The following KCNU1 variants were observed in gnomAD, a reference collection of about 807,000 sequenced individuals.
KCNU1 encodes the protein potassium channel subfamily U member 1.
In KCNU1, 93 loss-of-function variants were observed where a neutral mutation model predicts 126.8. That is an observed-to-expected ratio of 0.73 (90% CI 0.62 to 0.87). The LOEUF is 0.87. Ranked by LOEUF, KCNU1 falls within the 40% of genes least tolerant of loss-of-function variation. KCNU1 has a pLI of 0.00. For missense variants in KCNU1, 1,330 were observed against 1,367.1 expected, an observed-to-expected ratio of 0.97 and a Z score of 0.43; for synonymous variants, 523 against 494.2, an observed-to-expected ratio of 1.06 and a Z score of -0.77.
intron 20 of KCNU1, 21 bp from the exon 21 acceptor site, chr8:36,909,290 C>T (rs1367451471): frequency 6.7e-7 from 1 of 1,491,802 alleles, no homozygotes; most frequent in Non-Finnish European, 9.4e-7. Flanking sequence ...AATGACCAGA[C>T]TGTGGCATCC....
chr8:36,935,530 G>A lies in KCNU1; in HGVS notation c.3060G>A (p.Arg1020=). The change falls in exon 27 of 27, where the codon CGG becomes CGA. Residue 1020 remains arginine (R), a synonymous_variant. Coordinates refer to ENST00000399881, the MANE Select transcript of KCNU1 (RefSeq NM_001031836.3). ...NPENKRFVIT[R]PANEFKLLPS... is the part of the protein sequence containing the mutation. Reference sequence around the variant, plus strand: ...TGTCTTACAGGTTTGTGATCACCCGGCCAGCCAATGAGTTCAAGCTGCTGC... The same window carrying A: ...TGTCTTACAGGTTTGTGATCACCCGACCAGCCAATGAGTTCAAGCTGCTGC... 6.3e-7 allele frequency: 1 copy of A among 1,598,838 alleles called. No homozygotes were observed. The highest frequency in any genetic ancestry group is 8.5e-7 in the Non-Finnish European group (1 of 1,171,280).
Position 36,784,389 on chromosome 8 carries a change from TC to T in KCNU1, c.-20del. The stretch of plus-strand genomic sequence containing the variant: ...CGGCGTCATCAAATGACCTGGCAAT[TC>T]CGTCTACTGATGTCTCGAACATGTT... On this transcript the variant is annotated 5_prime_UTR_variant, in exon 1 of 27. An upstream open reading frame in the 5' UTR gains an earlier in-frame stop. Coordinates refer to ENST00000399881, the MANE Select transcript of KCNU1 (RefSeq NM_001031836.3). 6.3e-7 allele frequency: 1 copy of T among 1,590,738 alleles called. No homozygotes were observed. The highest frequency in any genetic ancestry group is 8.6e-7 in the Non-Finnish European group (1 of 1,167,308).
chr8:36,838,580 C>G (rs1804838680), intron 14 of KCNU1, among the ~76,000 whole-genome samples: 3 of 151,886 alleles, frequency 2.0e-5, no homozygotes, highest in African/African-American at 7.3e-5. Context: ...GCCTGTAGCC[C>G]CAGCAATTGG....
At chr8:36,872,381 T>C (rs1806134651) in intron 19 of KCNU1, among the ~76,000 whole-genome samples, 2 of 152,110 alleles carry the variant, frequency 1.3e-5, no homozygotes, top group African/African-American at 4.8e-5. Flanking sequence ...CATGCTATGC[T>C]ATGTTAGCTT....
chr8:36,871,396 T>A (rs1360876003), intron 19 of KCNU1, among the ~76,000 whole-genome samples: 1 of 145,666 alleles, frequency 6.9e-6, no homozygotes, highest in Non-Finnish European at 1.5e-5. Flanking sequence ...GTACCATATA[T>A]ATATATATAT....
At position 36,916,112 on chromosome 8, in the gene KCNU1, A is replaced by G. The variant is rs1038979498; in HGVS notation, c.2522-2711A>G. On this transcript the variant is annotated intron_variant, in intron 22 of 26. Coordinates refer to ENST00000399881, the MANE Select transcript of KCNU1 (RefSeq NM_001031836.3). ...AGGAGGAGAAGAAGGGAAGGAAGGAAGGAAGGAAAGGTGGGAGGGAAGGGA... is the reference window on the plus strand; with the variant it reads ...AGGAGGAGAAGAAGGGAAGGAAGGAGGGAAGGAAAGGTGGGAGGGAAGGGA... 6.7e-5 allele frequency among the ~76,000 whole-genome samples: 10 copies of G among 148,596 alleles called. 1 individual carries two copies. The South Asian group carries it at 2.2e-3, about 33-fold the overall frequency.
At chr8:36,922,829 A>G (rs1808407027) in intron 24 of KCNU1, among the ~76,000 whole-genome samples, 200 bp downstream of exon 24, 1 of 152,200 alleles carries the variant, frequency 6.6e-6, no homozygotes, top group South Asian at 2.1e-4. Context: ...CATTTTCAAG[A>G]TTAAAAACTT....
chr8:36,861,459 T>C (rs546491747), intron 18 of KCNU1, among the ~76,000 whole-genome samples: 1 of 152,302 alleles, frequency 6.6e-6, no homozygotes. Flanking sequence ...ACAATTTTTA[T>C]GGCATTCTGA....
chr8:36,901,932 A>G (rs1156948037), intron 19 of KCNU1, among the ~76,000 whole-genome samples: 3 of 152,142 alleles, frequency 2.0e-5, no homozygotes, highest in Non-Finnish European at 4.4e-5. Context: ...CTGCTATAGC[A>G]TAACCTTTAT....
At chr8:36,874,598 G>T (rs1410105513) in intron 19 of KCNU1, among the ~76,000 whole-genome samples, 1 of 152,144 alleles carries the variant, frequency 6.6e-6, no homozygotes, top group Non-Finnish European at 1.5e-5. Context: ...ATCCCATGAG[G>T]AGTGTTTGGG....
At chr8:36,915,715 C>A (rs1370214489) in intron 22 of KCNU1, among the ~76,000 whole-genome samples, 1 of 152,186 alleles carries the variant, frequency 6.6e-6, no homozygotes, top group East Asian at 1.9e-4. Flanking sequence ...TTTCCTTTTT[C>A]CTCAGATTCT....
At chr8:36,844,865 G>A (rs556910442) in intron 16 of KCNU1, among the ~76,000 whole-genome samples, 92 of 152,282 alleles carry the variant, frequency 6.0e-4, no homozygotes, top group Middle Eastern at 3.4e-3. Flanking sequence ...GGAAATAAAG[G>A]CAGGAGATCC....
chr8:36,878,537 C>A (rs919975364), intron 19 of KCNU1, among the ~76,000 whole-genome samples: 1 of 152,042 alleles, frequency 6.6e-6, no homozygotes, highest in Non-Finnish European at 1.5e-5. Context: ...AGAGAGTATC[C>A]AACTGACTCA....
intron 24 of KCNU1, among the ~76,000 whole-genome samples, chr8:36,930,417 T>C (rs1224251953): frequency 1.8e-4 from 28 of 152,130 alleles, no homozygotes; most frequent in Admixed American, 1.8e-3. Flanking sequence ...TAATGAGAGC[T>C]ATGGGAAATC....
At chr8:36,802,974 C>T (rs1017376032) in intron 2 of KCNU1, among the ~76,000 whole-genome samples, 9 of 152,108 alleles carry the variant, frequency 5.9e-5, no homozygotes, top group African/African-American at 1.9e-4. Context: ...AACAATGGGA[C>T]CACCCATGAA....
intron 19 of KCNU1, among the ~76,000 whole-genome samples, chr8:36,866,143 C>T (rs994135598): frequency 3.9e-5 from 6 of 152,028 alleles, no homozygotes; most frequent in African/African-American, 1.2e-4. Context: ...ATTCTCATAG[C>T]GAGGAAGGTA....
intron 19 of KCNU1, among the ~76,000 whole-genome samples, chr8:36,866,010 T>C (rs544834939): frequency 6.6e-6 from 1 of 152,170 alleles, no homozygotes; most frequent in African/African-American, 2.4e-5. Flanking sequence ...GAATGGTGGT[T>C]TTCAGAAGTG....
chr8:36,876,575 C>T (rs1474588746), intron 19 of KCNU1, among the ~76,000 whole-genome samples: 1 of 152,136 alleles, frequency 6.6e-6, no homozygotes, highest in Non-Finnish European at 1.5e-5. Flanking sequence ...GGTAGGCATT[C>T]CTAATGAGGT....
chr8:36,826,686 C>T (rs929503712), intron 10 of KCNU1, among the ~76,000 whole-genome samples: 1 of 151,934 alleles, frequency 6.6e-6, no homozygotes, highest in Non-Finnish European at 1.5e-5. Flanking sequence ...TTATATTATT[C>T]AGTTCTAGAA....
Sources: gnomAD v4.1 joint callset for allele counts (sites outside exome capture counted in the v4.1 genomes callset) on GRCh38, gnomAD v4.1.1 for gene constraint, MANE v1.5 for transcripts, NCBI Gene and HGNC (gene_info 2026-07-23, HGNC 2026-07-21) for gene names.